OLFM3: variants seen among roughly 807,000 people sequenced by gnomAD.
The protein encoded by OLFM3 is noelin-3.
In OLFM3, 20 loss-of-function variants were observed where a neutral mutation model predicts 48.6. The observed-to-expected ratio is 0.41, with a 90% confidence interval of 0.29 to 0.60. The LOEUF (loss-of-function observed/expected upper bound fraction) is 0.60, where lower values mean the gene tolerates loss of function less well. OLFM3 is among the 20% of genes least tolerant of loss of function. The pLI is 0.28. For synonymous variants in OLFM3, 222 were observed against 198.1 expected, an observed-to-expected ratio of 1.12 and a Z score of -1.01; for missense variants, 437 against 544.3, an observed-to-expected ratio of 0.80 and a Z score of 1.96.
At chr1:101,885,020 A>C (rs1188678352) in intron 1 of OLFM3, among the ~76,000 whole-genome samples, 2 of 152,020 alleles carry the variant, frequency 1.3e-5, no homozygotes, top group African/African-American at 2.4e-5. Flanking sequence ...ACACCAGGAA[A>C]GTCCATTGAA....
chr1:101,903,488 T>C lies in OLFM3; in HGVS notation c.70-66463A>G, dbSNP rs576156220. On this transcript the variant is annotated intron_variant, in intron 1 of 5. Transcript: ENST00000370103. ...TGCTGCAGTCATGGAGCTAAGGAAC[T>C]GAAGCCACAGATAGGCAGAAATTTT... Among the ~76,000 whole-genome samples, 7 of 152,220 alleles carry C rather than the reference T, an allele frequency of 4.6e-5. No homozygotes were observed. In the South Asian group the frequency reaches 1.4e-3, roughly 32 times the overall value.
At chr1:101,890,354 GACAC>G (rs3079207) in intron 1 of OLFM3, among the ~76,000 whole-genome samples, 69,967 of 150,426 alleles carry the variant, frequency 0.47, 16,404 homozygotes, top group Non-Finnish European at 0.52. Flanking sequence ...TATGCCTATA[GACAC>G]ACACACACAC....
At chr1:101,816,378 G>C (rs1654338853) in intron 4 of OLFM3, among the ~76,000 whole-genome samples, 1 of 152,170 alleles carries the variant, frequency 6.6e-6, no homozygotes, top group Admixed American at 6.5e-5. Context: ...CGCTGATGTT[G>C]TGAAAGACAA....
In OLFM3 at chr1:101,911,441, T is replaced by G. The variant is rs759300704; in HGVS notation, c.70-74416A>C. Among the ~76,000 whole-genome samples the G allele has an allele frequency of 4.0e-4, 61 of 152,112 alleles. 1 individual carries two copies. The highest frequency in any genetic ancestry group is 5.9e-4 in the Non-Finnish European group (40 of 68,018). On this transcript the variant is annotated intron_variant, in intron 1 of 5. Coordinates refer to ENST00000370103, the MANE Select transcript of OLFM3 (RefSeq NM_058170.4). ...GAAACCTCATGGGCCCCTTACTTGA[T>G]TTTAGAAAGTAAGAAAGGGACTTAC...
At chr1:101,875,773 T>A (rs1657275797) in intron 1 of OLFM3, among the ~76,000 whole-genome samples, 1 of 37,460 alleles carries the variant, frequency 2.7e-5, no homozygotes, top group African/African-American at 9.4e-5. Context: ...TTGGAGAATG[T>A]CAATTCTCAT....
intron 1 of OLFM3, among the ~76,000 whole-genome samples, chr1:101,917,772 T>C (rs1244970891): frequency 1.3e-5 from 2 of 152,202 alleles, no homozygotes. Context: ...TTTTAAAATA[T>C]TGAATTATCT....
At chr1:101,948,318 A>C (rs1660020309) in intron 1 of OLFM3, among the ~76,000 whole-genome samples, 1 of 152,146 alleles carries the variant, frequency 6.6e-6, no homozygotes, top group African/African-American at 2.4e-5. Context: ...ATAATGAATG[A>C]GCAAATTTTC....
rs187395416 is a variant in OLFM3 at position 101,976,892 on chromosome 1, G to A, written c.69+19856C>T. 6.3e-3 allele frequency among the ~76,000 whole-genome samples: 960 copies of A among 152,194 alleles called. 8 individuals carry two copies. Among genetic ancestry groups the A allele is most frequent in the African/African-American group, 0.022 (917 of 41,536 alleles). ...AACACATACATTAATAGATGTACTTGGTTTGATAGTAAGGTATATTTTACT... is the reference window on the plus strand; with the variant it reads ...AACACATACATTAATAGATGTACTTAGTTTGATAGTAAGGTATATTTTACT... On this transcript the variant is annotated intron_variant, in intron 1 of 5. Transcript: ENST00000370103.
At chr1:101,982,380 T>C (rs890500196) in intron 1 of OLFM3, among the ~76,000 whole-genome samples, 2 of 152,148 alleles carry the variant, frequency 1.3e-5, no homozygotes, top group Non-Finnish European at 2.9e-5. Context: ...CATCCATAGC[T>C]AGCTAGGTAG....
At chr1:101,859,736 T>C (rs1022951183) in intron 1 of OLFM3, 3 of 152,144 alleles carry the variant, frequency 2.0e-5, no homozygotes, top group Non-Finnish European at 4.4e-5. Flanking sequence ...TCAACCTATA[T>C]AACAGAAAGT....
chr1:101,861,308 C>T lies in OLFM3; in HGVS notation c.70-24283G>A, dbSNP rs936732487. 3.3e-5 allele frequency among the ~76,000 whole-genome samples: 5 copies of T among 150,508 alleles called. No individual in the cohort carries two copies. The South Asian group carries it at 6.2e-4, about 19-fold the overall frequency. ...AACTCCTGACCTCAAGTGATTTGGC[C>T]GCCCCGGCCTCCCAAAGTGCTGGGA... On this transcript the variant is annotated intron_variant, in intron 1 of 5. Transcript: ENST00000370103.
At chr1:101,831,642 C>T (rs944220625) in intron 2 of OLFM3, among the ~76,000 whole-genome samples, 12 of 152,118 alleles carry the variant, frequency 7.9e-5, no homozygotes, top group South Asian at 2.1e-4. Context: ...ATGAATGACC[C>T]GTTATAAAGA....
intron 1 of OLFM3, among the ~76,000 whole-genome samples, chr1:101,837,351 T>G (rs1483078492): frequency 2.6e-5 from 4 of 152,204 alleles, no homozygotes; most frequent in Admixed American, 2.6e-4. Context: ...AACTACTTAA[T>G]CACATATGAC....
intron 1 of OLFM3, among the ~76,000 whole-genome samples, chr1:101,874,489 A>AT (rs1657216206): frequency 7.7e-6 from 1 of 130,568 alleles, no homozygotes. Context: ...AATTCTAATA[A>AT]TATAATAATA....
At chr1:101,988,275 T>C (rs977391977) in intron 1 of OLFM3, among the ~76,000 whole-genome samples, 3 of 152,104 alleles carry the variant, frequency 2.0e-5, no homozygotes, top group Admixed American at 2.0e-4. Context: ...TATAAGTCCA[T>C]GCAAATGAAA....
At chr1:101,904,861 G>A (rs1658503027) in intron 1 of OLFM3, among the ~76,000 whole-genome samples, 1 of 152,072 alleles carries the variant, frequency 6.6e-6, no homozygotes, top group African/African-American at 2.4e-5. Flanking sequence ...CACAGTCACA[G>A]CAAAACCAAT....
At chr1:101,939,844 G>A (rs984201510) in intron 1 of OLFM3, among the ~76,000 whole-genome samples, 2 of 152,076 alleles carry the variant, frequency 1.3e-5, no homozygotes, top group Non-Finnish European at 2.9e-5. Flanking sequence ...TACTTACATT[G>A]TTTTTAGGGT....
At chr1:101,949,477 C>T (rs925350139) in intron 1 of OLFM3, among the ~76,000 whole-genome samples, 4 of 152,114 alleles carry the variant, frequency 2.6e-5, no homozygotes, top group African/African-American at 9.7e-5. Flanking sequence ...AAAATCAGAG[C>T]CACCCTCACA....
chr1:101,968,497 A>G (rs1660684805), intron 1 of OLFM3, among the ~76,000 whole-genome samples: 1 of 149,262 alleles, frequency 6.7e-6, no homozygotes, highest in African/African-American at 2.5e-5. Flanking sequence ...AGTAAAGGAA[A>G]CTTAAATGAA....
Sources: gnomAD v4.1 joint callset for allele counts (sites outside exome capture counted in the v4.1 genomes callset) on GRCh38, gnomAD v4.1.1 for gene constraint, MANE v1.5 for transcripts, NCBI Gene and HGNC (gene_info 2026-07-23, HGNC 2026-07-21) for gene names.